Variants in TXNRD2 observed in about 807,000 individuals in gnomAD.
TXNRD2 encodes thioredoxin reductase 2, mitochondrial.
TXNRD2 carries 67 observed loss-of-function variants against 70.8 expected under a neutral mutation model. That is an observed-to-expected ratio of 0.95 (90% CI 0.78 to 1.16). TXNRD2 has a LOEUF of 1.16. TXNRD2 is among the 50% of genes most tolerant of loss of function. TXNRD2 has a pLI of 0.00. For synonymous variants in TXNRD2, 301 were observed against 295.8 expected (o/e 1.02, Z -0.18); for missense variants, 644 against 719.9 (o/e 0.89, Z 1.21).
intron 7 of TXNRD2, among the ~76,000 whole-genome samples, chr22:19,914,347 ATG>A (rs1940540184): frequency 6.6e-6 from 1 of 152,362 alleles, no homozygotes; most frequent in Admixed American, 6.5e-5. Flanking sequence ...GAAATAACAC[ATG>A]TGTTTATCCA....
chr22:19,928,420 A>G (rs1434656694), intron 2 of TXNRD2, among the ~76,000 whole-genome samples: 3 of 152,232 alleles, frequency 2.0e-5, no homozygotes, highest in Non-Finnish European at 4.4e-5. Flanking sequence ...ACTCGCGCCA[A>G]CGAAGATGAG....
In TXNRD2 at chr22:19,915,985, C is replaced by T. The variant is rs542390136; in HGVS notation, c.450-142G>A. The T allele has an allele frequency of 2.0e-4, 143 of 731,178 alleles. No individual in the cohort carries two copies. The African/African-American group carries it at 2.3e-3, about 12-fold the overall frequency. The allele number at this position is 731,178 out of a possible 1,614,324, so 45.3% of individuals were successfully genotyped here. ...TGGCTCAGATGGACCAAGAGGTAAG[C>T]GGCAACCATGCTGAGAAGCATGGAG... On this transcript the variant is annotated intron_variant, in intron 5 of 17. Coordinates refer to ENST00000400521, the MANE Select transcript of TXNRD2 (RefSeq NM_006440.5).
chr22:19,882,825 A>G (rs1324560958), intron 12 of TXNRD2, among the ~76,000 whole-genome samples: 1 of 152,210 alleles, frequency 6.6e-6, no homozygotes, highest in Non-Finnish European at 1.5e-5. Flanking sequence ...TCCACTTCAC[A>G]GCAGCAGCAG....
chr22:19,927,010 T>C (rs1941170939), intron 2 of TXNRD2, among the ~76,000 whole-genome samples: 2 of 151,994 alleles, frequency 1.3e-5, no homozygotes, highest in Non-Finnish European at 2.9e-5. Flanking sequence ...ATATAATCCC[T>C]TGACCGGGCA....
At chr22:19,894,206 C>A in intron 11 of TXNRD2, 1 of 152,334 alleles carries the variant, frequency 6.6e-6, no homozygotes. Flanking sequence ...CATGAAGTCC[C>A]TCGAGGAGTC....
intron 4 of TXNRD2, 142 bp from the exon 5 acceptor site, chr22:19,918,359 T>C (rs1404098388): frequency 2.6e-6 from 2 of 765,596 alleles, no homozygotes; most frequent in African/African-American, 1.7e-5. Flanking sequence ...AAACGTGACA[T>C]CCATCCCTAC....
intron 7 of TXNRD2, 117 bp downstream of exon 7, chr22:19,915,097 T>G: frequency 1.1e-6 from 1 of 921,236 alleles, no homozygotes; most frequent in Non-Finnish European, 1.7e-6. Flanking sequence ...ATAGTGAGTA[T>G]AGGGGGAAAG....
At chr22:19,910,242 C>T (rs942449412) in intron 8 of TXNRD2, among the ~76,000 whole-genome samples, 15 of 152,250 alleles carry the variant, frequency 9.9e-5, no homozygotes, top group African/African-American at 3.4e-4. Flanking sequence ...GACTCTGCAC[C>T]TGCTCCCATG....
At chr22:19,881,161 C>T (rs866764412) in intron 12 of TXNRD2, 1 of 426,956 alleles carries the variant, frequency 2.3e-6, no homozygotes, top group Non-Finnish European at 4.1e-6. Context: ...TTGATCTGCA[C>T]GTCACAGTCC....
At chr22:19,904,889 G>A (rs935403401) in intron 8 of TXNRD2, among the ~76,000 whole-genome samples, 3 of 152,326 alleles carry the variant, frequency 2.0e-5, no homozygotes, top group East Asian at 1.9e-4. Context: ...GAGCAGCCCC[G>A]GGGTCCATAT....
At chr22:19,938,642 A>G (rs1157614864) in intron 1 of TXNRD2, among the ~76,000 whole-genome samples, 1 of 152,210 alleles carries the variant, frequency 6.6e-6, no homozygotes, top group East Asian at 1.9e-4. Flanking sequence ...TCAAAAGGGA[A>G]CAATTCAGCC....
chr22:19,936,121 G>A (rs1941530930), intron 1 of TXNRD2, among the ~76,000 whole-genome samples: 1 of 152,146 alleles, frequency 6.6e-6, no homozygotes, highest in Admixed American at 6.6e-5. Context: ...AAAATTCCGA[G>A]AACTGGTCCC....
intron 1 of TXNRD2, among the ~76,000 whole-genome samples, chr22:19,938,367 G>A (rs1941599912): frequency 6.6e-6 from 1 of 152,174 alleles, no homozygotes; most frequent in Admixed American, 6.5e-5. Context: ...GATAAGACAT[G>A]GGGCCCTGGG....
chr22:19,885,969 C>G (rs1328960314), intron 11 of TXNRD2, among the ~76,000 whole-genome samples: 1 of 152,258 alleles, frequency 6.6e-6, no homozygotes, highest in African/African-American at 2.4e-5. Flanking sequence ...TCCGCACATG[C>G]TCTGTGGATC....
intron 2 of TXNRD2, among the ~76,000 whole-genome samples, chr22:19,920,899 G>C (rs1384107143): frequency 6.6e-6 from 1 of 152,134 alleles, no homozygotes; most frequent in Non-Finnish European, 1.5e-5. Context: ...GCAGGAGATC[G>C]AGAACATCCT....
At chr22:19,907,046 GGA>G (rs1319868576) in intron 8 of TXNRD2, among the ~76,000 whole-genome samples, 18 of 95,572 alleles carry the variant, frequency 1.9e-4, no homozygotes, top group South Asian at 5.5e-4. Context: ...ACCGCTCTCA[GGA>G]GAGTGTGGGC....
At chr22:19,919,071 TA>T in intron 3 of TXNRD2, 67 bp from the exon 4 acceptor site, 1 of 1,537,344 alleles carries the variant, frequency 6.5e-7, no homozygotes, top group South Asian at 1.2e-5. Flanking sequence ...CCTGTTCTTC[TA>T]GAGTGTTTGG....
At chr22:19,933,536 C>T (rs1413602504) in intron 1 of TXNRD2, 3 of 1,286,444 alleles carry the variant, frequency 2.3e-6, no homozygotes, top group Non-Finnish European at 3.0e-6. Context: ...TGCTATCAGG[C>T]AGGGTGAGCA....
intron 2 of TXNRD2, among the ~76,000 whole-genome samples, chr22:19,920,539 C>T (rs1940858965): frequency 6.6e-6 from 1 of 151,502 alleles, no homozygotes; most frequent in South Asian, 2.1e-4. Context: ...GCAGAGATCA[C>T]ACCACTGTAC....
Sources: gnomAD v4.1 joint callset for allele counts (sites outside exome capture counted in the v4.1 genomes callset) on GRCh38, gnomAD v4.1.1 for gene constraint, MANE v1.5 for transcripts, NCBI Gene and HGNC (gene_info 2026-07-23, HGNC 2026-07-21) for gene names.